The following HMBOX1 variants were observed in gnomAD, a reference collection of about 807,000 sequenced individuals.
HMBOX1 encodes the protein homeobox containing 1.
A neutral mutation model predicts 54.5 loss-of-function variants in HMBOX1; 14 were observed. The ratio of observed to expected loss-of-function variants is 0.26; its 90% CI spans 0.17 to 0.40. The LOEUF is 0.40. Ranked by LOEUF, HMBOX1 falls within the 10% of genes least tolerant of loss-of-function variation. HMBOX1 has a pLI of 1.00. For synonymous variants in HMBOX1, 160 were observed against 181.0 expected (o/e 0.88, Z 0.93); for missense variants, 332 against 514.4 (o/e 0.65, Z 3.43).
chr8:28,901,743 A>G (rs527892634), intron 1 of HMBOX1, among the ~76,000 whole-genome samples: 9 of 152,312 alleles, frequency 5.9e-5, no homozygotes, highest in South Asian at 2.1e-4. Context: ...TGGGTTTGCT[A>G]ACATTTCCTT....
chr8:29,027,876 CTGTT>C (rs750152302), intron 6 of HMBOX1, among the ~76,000 whole-genome samples: 34 of 152,090 alleles, frequency 2.2e-4, no homozygotes, highest in East Asian at 1.9e-4. Flanking sequence ...ATGAATATCT[CTGTT>C]TGTGTTTGTA....
intron 3 of HMBOX1, among the ~76,000 whole-genome samples, chr8:28,979,482 T>C (rs532529433): frequency 6.6e-6 from 1 of 152,338 alleles, no homozygotes; most frequent in South Asian, 2.1e-4. Context: ...AACTTTATAT[T>C]CAACGGATCC....
chr8:28,903,817 G>T (rs1021035028), intron 1 of HMBOX1, among the ~76,000 whole-genome samples: 3 of 152,184 alleles, frequency 2.0e-5, no homozygotes, highest in Non-Finnish European at 4.4e-5. Flanking sequence ...ACATGCATTT[G>T]TTAGTTATTT....
intron 1 of HMBOX1, among the ~76,000 whole-genome samples, chr8:28,928,656 C>T (rs1818964452): frequency 6.6e-6 from 1 of 152,182 alleles, no homozygotes; most frequent in Non-Finnish European, 1.5e-5. Flanking sequence ...GTGTATGACA[C>T]ACATATGCAC....
At chr8:28,998,207 G>A (rs542392842) in intron 4 of HMBOX1, among the ~76,000 whole-genome samples, 2 of 152,108 alleles carry the variant, frequency 1.3e-5, no homozygotes, top group African/African-American at 2.4e-5. Flanking sequence ...TCATATAATC[G>A]TTGTTGATCT....
chr8:28,996,132 C>T (rs992655134), intron 4 of HMBOX1, among the ~76,000 whole-genome samples: 4 of 151,802 alleles, frequency 2.6e-5, no homozygotes, highest in African/African-American at 9.7e-5. Context: ...TATTCATCTT[C>T]TGGGGTTATT....
chr8:28,970,391 A>G lies in HMBOX1; in HGVS notation c.372A>G (p.Arg124=). 1 of 1,614,180 alleles carries G rather than the reference A, an allele frequency of 6.2e-7. No homozygotes were observed. Among genetic ancestry groups the G allele is most frequent in the South Asian group, 1.1e-5 (1 of 91,088 alleles). Residue 124 remains arginine (R), a synonymous_variant, in exon 3 of 10, where the codon CGA becomes CGG. Transcript: ENST00000287701. This position sits in a 1 kb window ranked among gnomAD's most constrained non-coding sequence, Gnocchi z 4.3. ...AAAATGGGAGGGAGAATAATGAGCG[A>G]TTATCTACATCCAATGGAAAGATGT... The part of the protein sequence containing the change: ...TNQNGRENNE[R]LSTSNGKMSP...
intron 9 of HMBOX1, chr8:29,049,483 G>A: frequency 6.9e-7 from 1 of 1,458,014 alleles, no homozygotes; most frequent in East Asian, 2.5e-5. Context: ...CCGACGCAGG[G>A]CACGATGGAA....
chr8:28,979,499 A>T (rs936636966), intron 3 of HMBOX1, among the ~76,000 whole-genome samples: 20 of 152,298 alleles, frequency 1.3e-4, no homozygotes, highest in African/African-American at 4.8e-4. Flanking sequence ...ATCCCACTTT[A>T]AATTTTTTGT....
intron 4 of HMBOX1, among the ~76,000 whole-genome samples, chr8:28,999,716 C>T (rs1443383865): frequency 6.6e-6 from 1 of 151,808 alleles, no homozygotes; most frequent in Non-Finnish European, 1.5e-5. Context: ...TTTTCAATTC[C>T]AAAATTTCTA....
intron 1 of HMBOX1, among the ~76,000 whole-genome samples, chr8:28,898,353 A>G (rs187529139): frequency 3.3e-5 from 5 of 152,196 alleles, no homozygotes; most frequent in Admixed American, 1.3e-4. Context: ...CTGTGATTTC[A>G]GTTTTTTCCT....
intron 1 of HMBOX1, among the ~76,000 whole-genome samples, chr8:28,943,332 CAA>C (rs1206084885): frequency 2.6e-5 from 4 of 152,126 alleles, no homozygotes; most frequent in African/African-American, 9.7e-5. Context: ...ACTGAGTGGA[CAA>C]AGAGTAGTAA....
chr8:28,963,662 A>G (rs1825970854), intron 1 of HMBOX1, 149 bp from the exon 2 acceptor site: 3 of 470,956 alleles, frequency 6.4e-6, no homozygotes, highest in African/African-American at 5.9e-5. Flanking sequence ...TGTATGGTGA[A>G]TAAAGCAGTA....
intron 6 of HMBOX1, among the ~76,000 whole-genome samples, chr8:29,038,775 G>A (rs1156479296): frequency 6.6e-6 from 1 of 152,178 alleles, no homozygotes; most frequent in Non-Finnish European, 1.5e-5. Flanking sequence ...TATCAGCAGA[G>A]ATATTGCCCT....
chr8:28,899,389 C>A (rs1157716286), intron 1 of HMBOX1, among the ~76,000 whole-genome samples: 1 of 152,154 alleles, frequency 6.6e-6, no homozygotes, highest in Non-Finnish European at 1.5e-5. Context: ...TAGGAGAACT[C>A]ATTTCATCAC....
At chr8:29,027,795 G>C (rs977241001) in intron 6 of HMBOX1, among the ~76,000 whole-genome samples, 1 of 152,170 alleles carries the variant, frequency 6.6e-6, no homozygotes. Context: ...ATTTTTAATC[G>C]AAGTGGCTGA....
At chr8:29,041,713 T>C (rs1230132836) in intron 6 of HMBOX1, among the ~76,000 whole-genome samples, 1 of 152,050 alleles carries the variant, frequency 6.6e-6, no homozygotes, top group African/African-American at 2.4e-5. Context: ...CTGATATACT[T>C]GCAAGAGAAA....
intron 5 of HMBOX1, among the ~76,000 whole-genome samples, chr8:29,012,549 T>C (rs1834353173): frequency 6.6e-6 from 1 of 152,162 alleles, no homozygotes; most frequent in Non-Finnish European, 1.5e-5. Context: ...CACACACACA[T>C]ACACATGTAT....
In HMBOX1 at chr8:29,049,139, G is replaced by T. The variant is rs1341264672; in HGVS notation, c.1125+91G>T. On this transcript the variant is annotated intron_variant, in intron 9 of 9. Coordinates refer to ENST00000287701, the MANE Select transcript of HMBOX1 (RefSeq NM_001135726.3). ...GTTCCTTGGGTGTGGCTGATGGGGT[G>T]GGGGAGGGGAAACAGTCACTGTCCC... The T allele has an allele frequency of 2.3e-5, 33 of 1,462,014 alleles. 1 individual carries two copies. Among genetic ancestry groups the T allele is most frequent in the Non-Finnish European group, 2.9e-5 (30 of 1,051,992 alleles). 90.6% of individuals were successfully genotyped at this position (1,462,014 alleles called of 1,614,324 possible). A position where few individuals can be genotyped will look rare whatever the true frequency, so the allele number is the denominator to read the frequency against.
Sources: gnomAD v4.1 joint callset for allele counts (sites outside exome capture counted in the v4.1 genomes callset) on GRCh38, gnomAD v4.1.1 for gene constraint, Gnocchi (gnomAD v3.1) non-coding constraint, MANE v1.5 for transcripts, NCBI Gene and HGNC (gene_info 2026-07-23, HGNC 2026-07-21) for gene names.